GNL3L: variants seen among roughly 807,000 people sequenced by gnomAD.
GNL3L encodes the protein guanine nucleotide-binding protein-like 3-like protein.
In GNL3L, 4 loss-of-function variants were observed where a neutral mutation model predicts 42.9. The ratio of observed to expected loss-of-function variants is 0.09; its 90% CI spans 0.05 to 0.21. The LOEUF is 0.21. GNL3L is among the 10% of genes least tolerant of loss of function. The pLI is 1.00. For missense variants in GNL3L, 412 were observed against 481.7 expected, an observed-to-expected ratio of 0.86 and a Z score of 1.36; for synonymous variants, 159 against 176.3, an observed-to-expected ratio of 0.90 and a Z score of 0.78.
In GNL3L at chrX:54,552,400, T is replaced by A; in HGVS notation, c.1290T>A (p.Thr430=). The A allele has an allele frequency of 2.5e-6, 3 of 1,210,643 alleles. No homozygotes were observed. Among genetic ancestry groups the A allele is most frequent in the Non-Finnish European group, 3.4e-6 (3 of 894,462 alleles). Residue 430 remains threonine, a synonymous_variant, in exon 13 of 16, where the codon ACT becomes ACA. Transcript: ENST00000360845. The stretch of plus-strand genomic sequence containing the variant: ...CCGAGGTCTTTGACATCGAGGATAC[T>A]GAGCAGGCCAATGAAGACACCATGG... The part of the protein sequence containing the change: ...EMTEVFDIED[T]EQANEDTMEC...
intron 8 of GNL3L, among the ~76,000 whole-genome samples, chrX:54,545,231 T>G (rs754985163): frequency 8.0e-5 from 9 of 111,954 alleles, no homozygotes; most frequent in Non-Finnish European, 1.7e-4. Flanking sequence ...TTATTTTTTA[T>G]TTTTTGAGAC....
At chrX:54,571,580 C>T (rs1160095483), downstream of GNL3L, among the ~76,000 whole-genome samples, 7 of 104,913 alleles carry the variant, frequency 6.7e-5, no homozygotes, top group South Asian at 1.4e-3. Context: ...AGCAATCCTC[C>T]CACCTCCGCC....
downstream of GNL3L, among the ~76,000 whole-genome samples, chrX:54,567,374 C>T (rs1464894553): frequency 3.6e-5 from 4 of 109,754 alleles, no homozygotes; most frequent in East Asian, 2.8e-4. Flanking sequence ...TGGCCAGGTG[C>T]GGTGGCTCAC....
chrX:54,598,074 AT>A (rs1925957070), intron 16 of GNL3L, among the ~76,000 whole-genome samples: 1 of 111,529 alleles, frequency 9.0e-6, no homozygotes, highest in African/African-American at 3.3e-5. Context: ...TAGTTGTTAA[AT>A]TGGTGTTCTT....
At chrX:54,622,119 T>A (rs1318894221), downstream of GNL3L, among the ~76,000 whole-genome samples, 2 of 110,324 alleles carry the variant, frequency 1.8e-5, no homozygotes, top group Non-Finnish European at 3.8e-5. Flanking sequence ...AATAGATACG[T>A]AGTGATTTGG....
chrX:54,551,155 C>T (rs1443483394), intron 10 of GNL3L, 105 bp downstream of exon 10: 1 of 534,079 alleles, frequency 1.9e-6, no homozygotes. Flanking sequence ...TGGACCATCC[C>T]CTGATGCTTT....
rs1924567182 is a variant in GNL3L, at chrX:54,540,212, C to T, written c.159C>T (p.Ala53=). The T allele has an allele frequency of 8.4e-7, 1 of 1,196,820 alleles. No homozygotes were observed. Among genetic ancestry groups the T allele is most frequent in the African/African-American group, 1.8e-5 (1 of 56,945 alleles). The part of the protein sequence containing the change: ...APHFVHPNDH[A]NREAELKKKW... ...ATTTTGTTCACCCCAATGATCATGC[C>T]AATCGAGAGGCTGAATTAAAGAAGA... The change falls in exon 4 of 16, where the codon GCC becomes GCT. Residue 53 remains alanine, a synonymous_variant. Transcript: ENST00000360845.
At chrX:54,625,334 C>T (rs1393640485), downstream of GNL3L, among the ~76,000 whole-genome samples, 1 of 107,777 alleles carries the variant, frequency 9.3e-6, no homozygotes, top group African/African-American at 3.3e-5. Context: ...GTAGAGGAAG[C>T]GCTCTTCTAT....
intron 2 of GNL3L, among the ~76,000 whole-genome samples, chrX:54,533,877 G>A (rs1260550472): frequency 9.1e-6 from 1 of 110,241 alleles, no homozygotes; most frequent in Admixed American, 9.8e-5. Flanking sequence ...AAATTACCTC[G>A]TTAAATAAAG....
chrX:54,572,243 A>G (rs1489625091), downstream of GNL3L, among the ~76,000 whole-genome samples: 1 of 108,572 alleles, frequency 9.2e-6, no homozygotes, highest in East Asian at 2.9e-4. Flanking sequence ...TCTGTTTAAC[A>G]AAGCACATCT....
In GNL3L at chrX:54,558,650, G is replaced by T. The variant is rs753282866; in HGVS notation, c.1661G>T (p.Arg554Leu). The T allele has an allele frequency of 7.6e-6, 9 of 1,183,792 alleles. No homozygotes were observed. The highest frequency in any genetic ancestry group is 1.8e-5 in the South Asian group (1 of 55,275). ...ALKNKKKMQK[R>L]ADKIASKLSD... is the part of the protein sequence containing the mutation. ...AAAAATAAGAAGAAGATGCAGAAAC[G>T]TGCAGGTGGGAGCCCCAGACCAACC... The change falls in exon 15 of 16, where the codon CGT (arginine) becomes CTT (leucine). Residue 554 changes from arginine to leucine, a missense_variant. Coordinates refer to ENST00000360845, the MANE Select transcript of GNL3L (RefSeq NM_001184819.2).
At chrX:54,601,810 A>G (rs1444552262) in intron 16 of GNL3L, among the ~76,000 whole-genome samples, 1 of 111,923 alleles carries the variant, frequency 8.9e-6, no homozygotes, top group Non-Finnish European at 1.9e-5. Context: ...GTTTTCTGTT[A>G]CTATATAAAT....
Position 54,560,760 on chromosome X carries a change from G to C in GNL3L, c.*158G>C. 2.3e-6 allele frequency: 1 copy of C among 430,550 alleles called. No individual in the cohort carries two copies. The highest frequency in any genetic ancestry group is 4.1e-6 in the Non-Finnish European group (1 of 244,681). The allele number at this position is 430,550 out of a possible 1,213,427, so 35.5% of individuals were successfully genotyped here. A position where few individuals can be genotyped will look rare whatever the true frequency, so the allele number is the denominator to read the frequency against. On this transcript the variant is annotated 3_prime_UTR_variant, in exon 16 of 16. Transcript: ENST00000360845. ...CCCTCCTCCAGTAAAAACAGTCCCG[G>C]CTAGGTGCTGTGGCTCACGTCTGTA...
At chrX:54,617,207 A>G (rs781643926) in intron 16 of GNL3L, among the ~76,000 whole-genome samples, 2 of 111,905 alleles carry the variant, frequency 1.8e-5, no homozygotes, top group African/African-American at 6.5e-5. Context: ...AGAAGTTTCA[A>G]CTTACCTTCT....
chrX:54,584,559 C>T (rs1022664591), intron 16 of GNL3L, among the ~76,000 whole-genome samples: 15 of 111,464 alleles, frequency 1.3e-4, no homozygotes, highest in Non-Finnish European at 2.3e-4. Context: ...TTATGCAGCA[C>T]GATTGTACAT....
intron 16 of GNL3L, among the ~76,000 whole-genome samples, chrX:54,579,093 ATTAT>A: frequency 8.9e-6 from 1 of 111,917 alleles, no homozygotes; most frequent in South Asian, 3.7e-4. Flanking sequence ...AGTTTTGTGA[ATTAT>A]TTATATATTC....
chrX:54,531,740 A>G (rs1004236697), intron 1 of GNL3L, among the ~76,000 whole-genome samples: 52 of 111,202 alleles, frequency 4.7e-4, no homozygotes, highest in African/African-American at 1.5e-3. Context: ...GGGTGAAGAG[A>G]CGCAGGACCC....
chrX:54,557,410 A>G (rs1925127567), intron 14 of GNL3L, among the ~76,000 whole-genome samples: 1 of 107,476 alleles, frequency 9.3e-6, no homozygotes, highest in Admixed American at 1.0e-4. Flanking sequence ...TTACAGATGC[A>G]AGCCACCATG....
chrX:54,614,130 A>G (rs1304064555), intron 16 of GNL3L, among the ~76,000 whole-genome samples: 1 of 110,316 alleles, frequency 9.1e-6, no homozygotes, highest in African/African-American at 3.3e-5. Context: ...TGAGATTCCC[A>G]GATCACTGGA....
Sources: allele counts gnomAD v4.1 joint callset (sites outside exome capture counted in the v4.1 genomes callset), GRCh38; gene constraint gnomAD v4.1.1; transcripts MANE v1.5; gene names NCBI Gene and HGNC (gene_info 2026-07-23, HGNC 2026-07-21).